Variants in WNT11 observed in about 807,000 individuals in gnomAD.
The protein encoded by WNT11 is Wnt family member 11.
In WNT11, 20 loss-of-function variants were observed where a neutral mutation model predicts 35.6. The ratio of observed to expected loss-of-function variants is 0.56; its 90% CI spans 0.40 to 0.82. WNT11 has a LOEUF of 0.82. Ranked by LOEUF, WNT11 falls within the 40% of genes least tolerant of loss-of-function variation. The pLI, the probability that WNT11 is intolerant of heterozygous loss-of-function variation, is 0.00. For missense variants in WNT11, 459 were observed against 504.4 expected, an observed-to-expected ratio of 0.91 and a Z score of 0.86; for synonymous variants, 200 against 211.9, an observed-to-expected ratio of 0.94 and a Z score of 0.49.
At chr11:76,193,297 G>A (rs1432174537) in intron 3 of WNT11, among the ~76,000 whole-genome samples, 3 of 152,250 alleles carry the variant, frequency 2.0e-5, no homozygotes, top group Non-Finnish European at 4.4e-5. Context: ...CCTCAGGGAC[G>A]GGCCTGATTT....
intron 1 of WNT11, among the ~76,000 whole-genome samples, chr11:76,201,199 G>C (rs1953369178): frequency 6.6e-6 from 1 of 152,240 alleles, no homozygotes; most frequent in Admixed American, 6.5e-5. Context: ...ATGAGAAACA[G>C]ATCCAGAGGC....
chr11:76,187,969 G>T (rs1420060665), intron 4 of WNT11, among the ~76,000 whole-genome samples: 1 of 152,244 alleles, frequency 6.6e-6, no homozygotes, highest in Non-Finnish European at 1.5e-5. Flanking sequence ...CTGGGTTCAA[G>T]CGATTCTCTT....
chr11:76,206,489 T>C lies in WNT11; in HGVS notation c.-82A>G. On this transcript the variant is annotated 5_prime_UTR_variant, in exon 1 of 5. Transcript: ENST00000322563. ...CCGCCTGCACGGCCGCCGCTGGTCCTGCACGCCGCCTGCAGCCGGGGAGAG... is the reference window on the plus strand; with the variant it reads ...CCGCCTGCACGGCCGCCGCTGGTCCCGCACGCCGCCTGCAGCCGGGGAGAG... 1 of 1,266,620 alleles carries C rather than the reference T, an allele frequency of 7.9e-7. No homozygotes were observed. The highest frequency in any genetic ancestry group is 9.9e-7 in the Non-Finnish European group (1 of 1,007,192). 78.5% of individuals were successfully genotyped at this position (1,266,620 alleles called of 1,614,324 possible). A position where few individuals can be genotyped will look rare whatever the true frequency, so the allele number is the denominator to read the frequency against.
upstream of WNT11, among the ~76,000 whole-genome samples, chr11:76,209,499 C>G (rs1264075540): frequency 2.0e-5 from 3 of 152,166 alleles, no homozygotes; most frequent in Non-Finnish European, 4.4e-5. Flanking sequence ...ACGGGCGGGT[C>G]CCGAAGCCTC....
chr11:76,200,293 C>T (rs935729451), intron 1 of WNT11, among the ~76,000 whole-genome samples: 9 of 152,208 alleles, frequency 5.9e-5, no homozygotes, highest in South Asian at 2.1e-4. Flanking sequence ...CCCTCAGACG[C>T]GGTTTCTTGA....
chr11:76,206,196 T>C, intron 1 of WNT11, 129 bp downstream of exon 1: 14 of 818,382 alleles, frequency 1.7e-5, no homozygotes, highest in Non-Finnish European at 2.4e-5. Flanking sequence ...GAGGGATGAC[T>C]TGCCCACGAC....
In WNT11 at chr11:76,191,848, G is replaced by A. The variant is rs371219834; in HGVS notation, c.606C>T (p.Arg202=). The A allele has an allele frequency of 3.7e-5, 59 of 1,598,638 alleles. 1 individual carries two copies. Among genetic ancestry groups the A allele is most frequent in the African/African-American group, 2.9e-4 (22 of 74,872 alleles). Residue 202 remains arginine, a synonymous_variant, in exon 4 of 5, where the codon CGC becomes CGT. Transcript: ENST00000322563. ...HNSEVGRQAL[R]ASLEMKCKCH... ...ACTTACACTTCATTTCCAGAGAGGC[G>A]CGCAGAGCCTGCGGACAGGGGAAGG...
At chr11:76,200,396 C>T (rs1455006059) in intron 1 of WNT11, among the ~76,000 whole-genome samples, 1 of 152,248 alleles carries the variant, frequency 6.6e-6, no homozygotes, top group Non-Finnish European at 1.5e-5. Context: ...GCTCTGACCA[C>T]ACAGAGGCAA....
At chr11:76,201,813 A>G (rs943910148) in intron 1 of WNT11, among the ~76,000 whole-genome samples, 1 of 152,168 alleles carries the variant, frequency 6.6e-6, no homozygotes, top group Non-Finnish European at 1.5e-5. Flanking sequence ...TGACATTGGT[A>G]ACACAAGCTG....
At chr11:76,189,883 T>A (rs188398457) in intron 4 of WNT11, among the ~76,000 whole-genome samples, 363 of 152,292 alleles carry the variant, frequency 2.4e-3, no homozygotes, top group Non-Finnish European at 4.1e-3. Context: ...AAAAGCCAAC[T>A]AATACAGATG....
rs751009445 is a variant in WNT11, at chr11:76,191,622, T to G, written c.832A>C (p.Ser278Arg). 6.2e-7 allele frequency: 1 copy of G among 1,613,928 alleles called. No homozygotes were observed. The highest frequency in any genetic ancestry group is 1.7e-5 in the Admixed American group (1 of 60,020). The change falls in exon 4 of 5, where the codon AGC becomes CGC. Residue 278 changes from serine (S) to arginine (R), a missense_variant. By Grantham distance (110) the Ser-to-Arg change is moderately radical (BLOSUM62 -1). Transcript: ENST00000322563. ...TTCTTCATGCAGAAGTCAGGTGAGC[T>G]CTGCAGATAGACGAGTTCCGAGTCC... is the stretch of plus-strand genomic sequence containing the variant. ...VKDSELVYLQSSPDFCMKNEK... is the reference protein window; with the variant it reads ...VKDSELVYLQRSPDFCMKNEK...
intron 3 of WNT11, among the ~76,000 whole-genome samples, chr11:76,193,655 C>T (rs1167751740): frequency 6.6e-6 from 1 of 152,372 alleles, no homozygotes; most frequent in East Asian, 1.9e-4. Flanking sequence ...ACAGGTGAGG[C>T]CACTGAAGCC....
intron 4 of WNT11, among the ~76,000 whole-genome samples, chr11:76,189,290 C>T (rs1953143118): frequency 6.6e-6 from 1 of 152,210 alleles, no homozygotes; most frequent in Admixed American, 6.5e-5. Context: ...AACTTGGCCT[C>T]CAGTGTCAGA....
intron 2 of WNT11, 96 bp downstream of exon 2, chr11:76,196,387 C>T (rs911874347): frequency 1.5e-5 from 21 of 1,379,906 alleles, no homozygotes; most frequent in Non-Finnish European, 2.0e-5. Flanking sequence ...CATCCACCCA[C>T]CCATGAACCC....
Position 76,191,691 on chromosome 11 carries a change from G to C in WNT11, c.763C>G (p.Arg255Gly). ...TKVVHRPMGT[R>G]KHLVPKDLDI... is the part of the protein sequence containing the mutation. The stretch of plus-strand genomic sequence containing the variant: ...AGGTCCTTGGGCACCAGGTGCTTGC[G>C]GGTGCCCATGGGTCGGTGCACTACC... Residue 255 changes from arginine (R) to glycine (G), a missense_variant, in exon 4 of 5, where the codon CGC becomes GGC. Arg to Gly is a moderately radical substitution (Grantham distance 125, BLOSUM62 -2). Coordinates refer to ENST00000322563, the MANE Select transcript of WNT11 (RefSeq NM_004626.3). The C allele has an allele frequency of 6.2e-7, 1 of 1,613,934 alleles. No individual in the cohort carries two copies. Among genetic ancestry groups the C allele is most frequent in the South Asian group, 1.1e-5 (1 of 91,080 alleles).
chr11:76,203,137 C>A (rs993971401), intron 1 of WNT11, among the ~76,000 whole-genome samples: 4 of 152,240 alleles, frequency 2.6e-5, no homozygotes, highest in African/African-American at 9.6e-5. Context: ...TTGCCCAGAT[C>A]TGTACGCAGC....
rs529968714 is a variant in WNT11, at chr11:76,194,484, C to T, written c.597+83G>A. The T allele has an allele frequency of 7.5e-6, 11 of 1,473,312 alleles. No homozygotes were observed. In the East Asian group the frequency reaches 2.7e-4, roughly 37 times the overall value. The allele number at this position is 1,473,312 out of a possible 1,614,324, so 91.3% of individuals were successfully genotyped here. On this transcript the variant is annotated intron_variant, in intron 3 of 4. Coordinates refer to ENST00000322563, the MANE Select transcript of WNT11 (RefSeq NM_004626.3). This position sits in a 1 kb window ranked among gnomAD's most constrained non-coding sequence, Gnocchi z 5.4. ...TCAGGGCCCGTCCCCCCGCACCCCCCACCACTGGGGCAAGCTGGGTGGCCC... is the reference window on the plus strand; with the variant it reads ...TCAGGGCCCGTCCCCCCGCACCCCCTACCACTGGGGCAAGCTGGGTGGCCC...
chr11:76,193,398 T>C (rs1461545335), intron 3 of WNT11, among the ~76,000 whole-genome samples: 1 of 151,922 alleles, frequency 6.6e-6, no homozygotes, highest in Non-Finnish European at 1.5e-5. Flanking sequence ...GGCCTGGCCA[T>C]GATGGTGGGC....
chr11:76,193,391 C>CTGGCCGTGATGGTGGGCG (rs1953216054), intron 3 of WNT11, among the ~76,000 whole-genome samples: 2 of 151,244 alleles, frequency 1.3e-5, no homozygotes, highest in African/African-American at 4.9e-5. Flanking sequence ...CCCAGCTGGC[C>CTGGCCGTGATGGTGGGCG]TGGCCATGAT....
Sources: gnomAD v4.1 joint callset for allele counts (sites outside exome capture counted in the v4.1 genomes callset) on GRCh38, gnomAD v4.1.1 for gene constraint, Gnocchi (gnomAD v3.1) non-coding constraint, MANE v1.5 for transcripts, NCBI Gene and HGNC (gene_info 2026-07-23, HGNC 2026-07-21) for gene names.